The following NAALADL2 variants were observed in gnomAD, a reference collection of about 807,000 sequenced individuals.
NAALADL2 encodes N-acetylated alpha-linked acidic dipeptidase like 2, also known as inactive N-acetylated-alpha-linked acidic dipeptidase-like protein 2.
Under a neutral mutation model 87.2 loss-of-function variants are expected in NAALADL2, and 76 were observed. That is an observed-to-expected ratio of 0.87 (90% CI 0.72 to 1.05). The LOEUF is 1.05. NAALADL2 is among the 50% of genes least tolerant of loss of function. NAALADL2 has a pLI of 0.00. For synonymous variants in NAALADL2, 354 were observed against 331.0 expected (o/e 1.07, Z -0.75); for missense variants, 1,089 against 945.8 (o/e 1.15, Z -1.99).
intron 3 of NAALADL2, among the ~76,000 whole-genome samples, chr3:174,792,835 T>A (rs1381743352): frequency 1.3e-5 from 2 of 152,184 alleles, no homozygotes; most frequent in African/African-American, 4.8e-5. Context: ...CAAGCATAGA[T>A]GGAATATTCA....
chr3:174,813,124 A>G (rs1228473265), intron 3 of NAALADL2, among the ~76,000 whole-genome samples: 1 of 152,120 alleles, frequency 6.6e-6, no homozygotes, highest in African/African-American at 2.4e-5. Flanking sequence ...GTCCCGCAAG[A>G]CCCATTCATG....
At chr3:175,592,647 T>A (rs9813349) in intron 10 of NAALADL2, among the ~76,000 whole-genome samples, 1 of 150,668 alleles carries the variant, frequency 6.6e-6, no homozygotes, top group Non-Finnish European at 1.5e-5. Context: ...GAACAAAAAA[T>A]CAAACACTGC....
chr3:175,332,448 G>C (rs1025266792), intron 5 of NAALADL2, among the ~76,000 whole-genome samples: 2 of 152,132 alleles, frequency 1.3e-5, no homozygotes, highest in Non-Finnish European at 2.9e-5. Flanking sequence ...CCAAAGGGAT[G>C]TGCCACCATG....
chr3:175,689,229 T>G (rs2149909024), intron 11 of NAALADL2, among the ~76,000 whole-genome samples: 1 of 152,268 alleles, frequency 6.6e-6, no homozygotes, highest in Middle Eastern at 3.4e-3. Flanking sequence ...AGGAGATCAT[T>G]GTAGAAAACT....
intron 13 of NAALADL2, among the ~76,000 whole-genome samples, chr3:175,792,378 A>G (rs1752903483): frequency 6.6e-6 from 1 of 152,210 alleles, no homozygotes; most frequent in South Asian, 2.1e-4. Context: ...CTTTGTGATC[A>G]ACATTCATAG....
At chr3:175,423,406 T>TCCCTCCC (rs1716200353) in intron 5 of NAALADL2, among the ~76,000 whole-genome samples, 1 of 138,958 alleles carries the variant, frequency 7.2e-6, no homozygotes, top group Non-Finnish European at 1.6e-5. Flanking sequence ...CCTAATGCTA[T>TCCCTCCC]CCCTCCCCCC....
intron 1 of NAALADL2, among the ~76,000 whole-genome samples, chr3:174,993,798 A>G (rs897221891): frequency 1.3e-5 from 2 of 152,224 alleles, no homozygotes; most frequent in African/African-American, 4.8e-5. Context: ...CCTTCAGGAT[A>G]GAAGTGTGAA....
At chr3:174,461,845 A>C (rs575904340) in intron 1 of NAALADL2, among the ~76,000 whole-genome samples, 2 of 152,118 alleles carry the variant, frequency 1.3e-5, no homozygotes, top group South Asian at 4.1e-4. Context: ...GTGTGTATGC[A>C]TGTGAATGTG....
intron 5 of NAALADL2, among the ~76,000 whole-genome samples, chr3:175,386,288 G>T (rs554357621): frequency 6.6e-6 from 1 of 151,468 alleles, no homozygotes; most frequent in Non-Finnish European, 1.5e-5. Context: ...TATTTTCAAA[G>T]AAGCTGTTCA....
chr3:175,293,309 C>CT (rs1356063018), intron 4 of NAALADL2, among the ~76,000 whole-genome samples: 1 of 152,018 alleles, frequency 6.6e-6, no homozygotes, highest in African/African-American at 2.4e-5. Context: ...CAGCTCTGAG[C>CT]TTTAGTCACA....
chr3:174,854,881 A>G (rs1026072860), upstream of NAALADL2, among the ~76,000 whole-genome samples: 6 of 118,604 alleles, frequency 5.1e-5, no homozygotes, highest in African/African-American at 2.0e-4. Flanking sequence ...CTTGTTGCCC[A>G]GGCTGAAGTA....
Position 175,035,989 on chromosome 3 carries a change from C to T in NAALADL2, c.44-60801C>T, listed in dbSNP as rs996877626. On this transcript the variant is annotated intron_variant, in intron 1 of 13. Transcript: ENST00000454872. ...GCTTGTATAGATGAGGCAAGTAAAG[C>T]GGGTAGACCTACATAAAAGTGAAGA... 2.0e-5 allele frequency among the ~76,000 whole-genome samples: 3 copies of T among 152,036 alleles called. No homozygotes were observed. In the East Asian group the frequency reaches 5.8e-4, roughly 29 times the overall value.
intron 4 of NAALADL2, among the ~76,000 whole-genome samples, chr3:175,260,521 T>G (rs1750854143): frequency 6.6e-6 from 1 of 152,208 alleles, no homozygotes; most frequent in African/African-American, 2.4e-5. Context: ...CGGCCCAATT[T>G]GCTTCAACTG....
rs768786568 is a variant in NAALADL2, at chr3:175,300,753, ATT to A, written c.940-23418_940-23417del. On this transcript the variant is annotated intron_variant, in intron 4 of 13. Transcript: ENST00000454872. ...AACCATCTCCTGGATTTATTTATTT[ATT>A]TTTATTTATTTATTTATTTATTTAT... Among the ~76,000 whole-genome samples the A allele has an allele frequency of 3.8e-4, 54 of 140,326 alleles. No individual in the cohort carries two copies. In the South Asian group the frequency reaches 4.0e-3, roughly 10 times the overall value. The allele number at this position is 140,326 out of a possible 152,430, so 92.1% of individuals were successfully genotyped here. A position where few individuals can be genotyped will look rare whatever the true frequency, so the allele number is the denominator to read the frequency against.
At chr3:174,673,977 C>A (rs1401607234) in intron 2 of NAALADL2, among the ~76,000 whole-genome samples, 1 of 151,918 alleles carries the variant, frequency 6.6e-6, no homozygotes, top group Non-Finnish European at 1.5e-5. Context: ...TTAGGCAATT[C>A]TTACATTGCT....
intron 11 of NAALADL2, among the ~76,000 whole-genome samples, chr3:175,683,755 CATT>C (rs2149890543): frequency 6.6e-6 from 1 of 152,034 alleles, no homozygotes; most frequent in South Asian, 2.1e-4. Flanking sequence ...TATGCTGAAA[CATT>C]GTATTGAAGT....
chr3:175,100,717 A>G (rs1228569310), intron 2 of NAALADL2, among the ~76,000 whole-genome samples: 1 of 151,954 alleles, frequency 6.6e-6, no homozygotes, highest in African/African-American at 2.4e-5. Context: ...GGGCACCTAT[A>G]ATCCCAGTTG....
At chr3:174,761,044 A>T (rs542476444) in intron 3 of NAALADL2, among the ~76,000 whole-genome samples, 3 of 152,314 alleles carry the variant, frequency 2.0e-5, no homozygotes, top group African/African-American at 7.2e-5. Context: ...TCTCTTTGCA[A>T]CCTCAGATCC....
At chr3:175,611,027 G>A (rs1377799776) in intron 10 of NAALADL2, among the ~76,000 whole-genome samples, 1 of 152,018 alleles carries the variant, frequency 6.6e-6, no homozygotes, top group Non-Finnish European at 1.5e-5. Context: ...GAGCTAAAGT[G>A]CATAATTAAA....
Sources: allele counts gnomAD v4.1 joint callset (sites outside exome capture counted in the v4.1 genomes callset), GRCh38; gene constraint gnomAD v4.1.1; transcripts MANE v1.5; gene names NCBI Gene and HGNC (gene_info 2026-07-23, HGNC 2026-07-21).